IMMP2L: variants seen among roughly 807,000 people sequenced by gnomAD.
The protein encoded by IMMP2L is inner mitochondrial membrane peptidase subunit 2.
A neutral mutation model predicts 19.3 loss-of-function variants in IMMP2L; 18 were observed. The ratio of observed to expected loss-of-function variants is 0.93; its 90% confidence interval spans 0.64 to 1.38. The LOEUF (loss-of-function observed/expected upper bound fraction) is 1.38. Ranked by LOEUF, IMMP2L falls within the 40% of genes most tolerant of loss-of-function variation. The pLI is 0.00. For missense variants in IMMP2L, 233 were observed against 218.2 expected, an observed-to-expected ratio of 1.07 and a Z score of -0.43; for synonymous variants, 76 against 73.0, an observed-to-expected ratio of 1.04 and a Z score of -0.21.
chr7:111,130,064 T>G (rs1801701977), intron 3 of IMMP2L, among the ~76,000 whole-genome samples: 1 of 152,132 alleles, frequency 6.6e-6, no homozygotes. Context: ...TCCTTTTTGT[T>G]CATACTAAAA....
rs982949724 is a variant in IMMP2L, at chr7:111,043,579, G to A, written c.240-80014C>T. Reference sequence around the variant, plus strand: ...AATTCATTTCCTTCTAAATATTATGGGTTAAACATTAAATACAAAAAGAAC... The same window carrying A: ...AATTCATTTCCTTCTAAATATTATGAGTTAAACATTAAATACAAAAAGAAC... On this transcript the variant is annotated intron_variant, in intron 3 of 5. Transcript: ENST00000405709. Among the ~76,000 whole-genome samples the A allele has an allele frequency of 2.0e-5, 3 of 152,076 alleles. No individual in the cohort carries two copies. The South Asian group carries it at 6.2e-4, about 32-fold the overall frequency.
intron 3 of IMMP2L, among the ~76,000 whole-genome samples, chr7:111,350,350 CATATAT>C (rs35448482): frequency 6.8e-6 from 1 of 147,214 alleles, no homozygotes; most frequent in African/African-American, 2.5e-5. Context: ...TGCATATATA[CATATAT>C]ATATATATAT....
chr7:111,227,675 C>T (rs1402766676), intron 3 of IMMP2L, among the ~76,000 whole-genome samples: 1 of 152,074 alleles, frequency 6.6e-6, no homozygotes, highest in Non-Finnish European at 1.5e-5. Context: ...CAGAAATAAA[C>T]CACTCCTAAT....
intron 5 of IMMP2L, among the ~76,000 whole-genome samples, chr7:110,861,069 TTGTGTGTG>T (rs754363475): frequency 1.0e-4 from 13 of 129,118 alleles, no homozygotes; most frequent in Admixed American, 8.6e-4. Context: ...CACCAGCAGT[TTGTGTGTG>T]TGTGTGTGTG....
chr7:110,916,319 T>C (rs1031893592), intron 4 of IMMP2L, among the ~76,000 whole-genome samples: 2 of 152,202 alleles, frequency 1.3e-5, no homozygotes, highest in South Asian at 2.1e-4. Context: ...CAGAGTCATA[T>C]GGATTTCAAA....
Position 111,340,878 on chromosome 7 carries a change from C to A in IMMP2L, c.239+146360G>T, listed in dbSNP as rs117310281. Among the ~76,000 whole-genome samples the A allele has an allele frequency of 8.7e-4, 132 of 152,052 alleles. 1 individual carries two copies. The East Asian group carries it at 0.021, about 24-fold the overall frequency. Reference sequence around the variant, plus strand: ...GCTTTTGATTAATACACACTTCTGGCAAATCTAACCTATGGAGACAAAAGT... The same window carrying A: ...GCTTTTGATTAATACACACTTCTGGAAAATCTAACCTATGGAGACAAAAGT... On this transcript the variant is annotated intron_variant, in intron 3 of 5. Coordinates refer to ENST00000405709, the MANE Select transcript of IMMP2L (RefSeq NM_032549.4).
chr7:111,029,155 T>C (rs2129568406), intron 3 of IMMP2L, among the ~76,000 whole-genome samples: 1 of 152,288 alleles, frequency 6.6e-6, no homozygotes, highest in African/African-American at 2.4e-5. Context: ...CTCAATAGAT[T>C]TAAAAGTCAT....
At chr7:111,081,793 G>C (rs1219590906) in intron 3 of IMMP2L, among the ~76,000 whole-genome samples, 2 of 152,124 alleles carry the variant, frequency 1.3e-5, no homozygotes, top group African/African-American at 4.8e-5. Flanking sequence ...CTAGGTGTCT[G>C]CATAGCAAAT....
intron 3 of IMMP2L, among the ~76,000 whole-genome samples, chr7:111,046,131 TA>T (rs1368251573): frequency 6.6e-6 from 1 of 151,268 alleles, no homozygotes; most frequent in African/African-American, 2.4e-5. Flanking sequence ...TCAAACAAAT[TA>T]AAAAATACCA....
chr7:111,237,674 A>C (rs1227883840), intron 3 of IMMP2L, among the ~76,000 whole-genome samples: 1 of 151,842 alleles, frequency 6.6e-6, no homozygotes, highest in Non-Finnish European at 1.5e-5. Context: ...TTATAAATGT[A>C]TATAATCTGT....
rs555545811 is a variant in IMMP2L at position 111,040,328 on chromosome 7, T to C, written c.240-76763A>G. Among the ~76,000 whole-genome samples, 266 of 152,282 alleles carry C rather than the reference T, an allele frequency of 1.7e-3. 1 individual carries two copies. The highest frequency in any genetic ancestry group is 5.2e-3 in the African/African-American group (218 of 41,560). On this transcript the variant is annotated intron_variant, in intron 3 of 5. Transcript: ENST00000405709. Reference sequence around the variant, plus strand: ...GGAGTTGCCAAAATGACCAATAATATTTTACAGGTGGACAAATGTTAGGTC... The same window carrying C: ...GGAGTTGCCAAAATGACCAATAATACTTTACAGGTGGACAAATGTTAGGTC...
In IMMP2L at chr7:110,833,139, G is replaced by T. The variant is rs755699916; in HGVS notation, c.408+53454C>A. 3.3e-5 allele frequency among the ~76,000 whole-genome samples: 5 copies of T among 152,128 alleles called. No individual in the cohort carries two copies. In the South Asian group the frequency reaches 1.0e-3, roughly 31 times the overall value. On this transcript the variant is annotated intron_variant, in intron 5 of 5. Transcript: ENST00000405709. ...AGAACAAGAAAAAGTGGAGCTCTTA[G>T]AAGAGTTTTAATCATGAGGTCGGGC...
At chr7:111,238,175 G>A (rs887694645) in intron 3 of IMMP2L, among the ~76,000 whole-genome samples, 1 of 151,992 alleles carries the variant, frequency 6.6e-6, no homozygotes, top group Admixed American at 6.6e-5. Flanking sequence ...ACCAAGTAAG[G>A]ACACATAAAG....
intron 5 of IMMP2L, among the ~76,000 whole-genome samples, chr7:110,851,463 T>C (rs1806218156): frequency 6.6e-6 from 1 of 152,162 alleles, no homozygotes; most frequent in African/African-American, 2.4e-5. Flanking sequence ...CTTCCTTCCT[T>C]GTCCTGAGAC....
intron 3 of IMMP2L, among the ~76,000 whole-genome samples, chr7:110,973,492 T>G (rs558922877): frequency 2.0e-5 from 3 of 152,198 alleles, no homozygotes; most frequent in South Asian, 4.2e-4. Flanking sequence ...ACTATAAAAT[T>G]TATTGAGGCA....
intron 3 of IMMP2L, among the ~76,000 whole-genome samples, chr7:111,450,210 C>G (rs1481968415): frequency 1.3e-5 from 2 of 150,688 alleles, no homozygotes; most frequent in Non-Finnish European, 2.9e-5. Flanking sequence ...GAAAAAACTA[C>G]TTTAAAGTTC....
At chr7:110,686,417 C>G (rs1354394233) in intron 5 of IMMP2L, among the ~76,000 whole-genome samples, 1 of 152,016 alleles carries the variant, frequency 6.6e-6, no homozygotes, top group Non-Finnish European at 1.5e-5. Context: ...CAATAACCCT[C>G]AAATTCGTAT....
chr7:111,217,126 TCACA>T (rs1315821493), intron 3 of IMMP2L, among the ~76,000 whole-genome samples: 10 of 124,070 alleles, frequency 8.1e-5, no homozygotes, highest in East Asian at 7.3e-4. Context: ...TCTCTCTCTC[TCACA>T]CACACACACA....
At chr7:110,899,308 G>A (rs1181114961) in intron 4 of IMMP2L, among the ~76,000 whole-genome samples, 5 of 152,008 alleles carry the variant, frequency 3.3e-5, no homozygotes, top group African/African-American at 1.2e-4. Context: ...AAATAATAGA[G>A]CTACCTTATC....
Sources: allele counts gnomAD v4.1 joint callset (sites outside exome capture counted in the v4.1 genomes callset), GRCh38; gene constraint gnomAD v4.1.1; transcripts MANE v1.5; gene names NCBI Gene and HGNC (gene_info 2026-07-23, HGNC 2026-07-21).